GRIK1: variants seen among roughly 807,000 people sequenced by gnomAD.
GRIK1 encodes the protein glutamate ionotropic receptor kainate type subunit 1.
In GRIK1, 69 loss-of-function variants were observed where a neutral mutation model predicts 105.7. The ratio of observed to expected loss-of-function variants is 0.65; its 90% CI spans 0.54 to 0.80. GRIK1 has a LOEUF of 0.80. Among genes scored for constraint, GRIK1 ranks in the 30% least tolerant of loss-of-function variants. The pLI is 0.00. For synonymous variants in GRIK1, 438 were observed against 431.3 expected (o/e 1.02, Z -0.19); for missense variants, 1,109 against 1,167.3 (o/e 0.95, Z 0.73).
At chr21:29,900,462 GAAAAAA>G (rs796090417) in intron 1 of GRIK1, among the ~76,000 whole-genome samples, 9 of 76,970 alleles carry the variant, frequency 1.2e-4, no homozygotes, top group African/African-American at 3.4e-4. Flanking sequence ...TGGAAAGCAA[GAAAAAA>G]AAAAAAAAAA....
chr21:29,825,603 G>A (rs1424578308), intron 1 of GRIK1, among the ~76,000 whole-genome samples: 1 of 151,890 alleles, frequency 6.6e-6, no homozygotes, highest in Non-Finnish European at 1.5e-5. Flanking sequence ...TGATCATGAT[G>A]GGCTATTTTG....
chr21:29,537,964 A>C (rs1462204794), intron 16 of GRIK1, 80 bp from the exon 17 acceptor site: 2 of 690,530 alleles, frequency 2.9e-6, no homozygotes, highest in African/African-American at 3.6e-5. Flanking sequence ...AGCAGCAATG[A>C]TGCAGCTGTG....
chr21:29,878,150 TG>T (rs2069259417), intron 1 of GRIK1, among the ~76,000 whole-genome samples: 1 of 151,978 alleles, frequency 6.6e-6, no homozygotes, highest in Non-Finnish European at 1.5e-5. Flanking sequence ...ATTTAGAGAA[TG>T]GAATTGGTAG....
intron 14 of GRIK1, among the ~76,000 whole-genome samples, chr21:29,567,983 G>A (rs1284472375): frequency 6.6e-6 from 1 of 152,162 alleles, no homozygotes; most frequent in Non-Finnish European, 1.5e-5. Flanking sequence ...GAAAAGTTAT[G>A]ACATTTGCAG....
intron 1 of GRIK1, among the ~76,000 whole-genome samples, chr21:29,776,528 G>A (rs1007051329): frequency 6.6e-6 from 1 of 152,138 alleles, no homozygotes; most frequent in African/African-American, 2.4e-5. Context: ...CATCTCTGTA[G>A]CACCCCAATT....
intron 4 of GRIK1, among the ~76,000 whole-genome samples, chr21:29,659,325 GAA>G (rs934866083): frequency 6.6e-6 from 1 of 152,044 alleles, no homozygotes; most frequent in Non-Finnish European, 1.5e-5. Flanking sequence ...TTAGAGTAAT[GAA>G]AAAAAGTTTC....
intron 1 of GRIK1, among the ~76,000 whole-genome samples, chr21:29,739,037 G>T (rs939220957): frequency 1.3e-5 from 2 of 152,164 alleles, no homozygotes; most frequent in Non-Finnish European, 2.9e-5. Context: ...TGGTTTTGAG[G>T]CAATAGGGGT....
intron 1 of GRIK1, among the ~76,000 whole-genome samples, chr21:29,789,936 T>G (rs980607669): frequency 6.6e-6 from 1 of 152,248 alleles, no homozygotes; most frequent in Non-Finnish European, 1.5e-5. Context: ...TAAGCTGTAT[T>G]CAATGCTCAC....
chr21:29,883,412 A>C (rs184094072), intron 1 of GRIK1, among the ~76,000 whole-genome samples: 11 of 152,230 alleles, frequency 7.2e-5, no homozygotes, highest in Admixed American at 5.9e-4. Context: ...TACTTCATTA[A>C]GTCACTCAGC....
intron 13 of GRIK1, among the ~76,000 whole-genome samples, chr21:29,579,677 G>A (rs2090972888): frequency 1.3e-5 from 2 of 152,122 alleles, no homozygotes; most frequent in African/African-American, 4.8e-5. Context: ...AGTACCTCAA[G>A]TTTGTATCTG....
intron 1 of GRIK1, among the ~76,000 whole-genome samples, chr21:29,721,428 C>T (rs943336336): frequency 2.3e-4 from 35 of 152,018 alleles, no homozygotes; most frequent in African/African-American, 6.3e-4. Context: ...CAGCAGGTTA[C>T]ACCCACAGTG....
chr21:29,582,593 T>C (rs965912543), intron 12 of GRIK1, among the ~76,000 whole-genome samples: 15 of 152,274 alleles, frequency 9.9e-5, no homozygotes, highest in African/African-American at 3.6e-4. Flanking sequence ...TCTTTCTCTA[T>C]TTTTTTAAGC....
At chr21:29,608,594 C>A (rs548518210) in intron 7 of GRIK1, among the ~76,000 whole-genome samples, 8 of 152,170 alleles carry the variant, frequency 5.3e-5, no homozygotes, top group Non-Finnish European at 1.0e-4. Context: ...CTGCTCTTAA[C>A]AAGAAGATAA....
intron 1 of GRIK1, among the ~76,000 whole-genome samples, chr21:29,814,656 C>T (rs1248681791): frequency 6.6e-6 from 1 of 152,056 alleles, no homozygotes; most frequent in Non-Finnish European, 1.5e-5. Context: ...GTTATGGTGA[C>T]AGGATGGGAA....
chr21:29,895,297 G>A (rs2070095865), intron 1 of GRIK1, among the ~76,000 whole-genome samples: 1 of 152,150 alleles, frequency 6.6e-6, no homozygotes, highest in Non-Finnish European at 1.5e-5. Context: ...CTAGTTCAAC[G>A]AACCTGCGGA....
At chr21:29,770,149 G>T (rs2065778587) in intron 1 of GRIK1, among the ~76,000 whole-genome samples, 1 of 152,102 alleles carries the variant, frequency 6.6e-6, no homozygotes, top group African/African-American at 2.4e-5. Flanking sequence ...ACACTGCTTT[G>T]TGACTTTTCT....
Position 29,642,828 on chromosome 21 carries a change from C to A in GRIK1, c.1096G>T (p.Glu366Ter). ...GGCTGTGAGGGAGCATCACTTGCCT[C>A]TTTGATCAGGTTCATAAATCTGGGT... ...LGPRFMNLIK[E>*]ARWDGLTGHI... Residue 366 changes from glutamate to a stop codon, truncating the protein, a stop_gained and splice_region_variant, in exon 7 of 18, where the codon GAG becomes TAG. Transcript: ENST00000327783. LOFTEE classifies it high-confidence loss of function. 6.2e-7 allele frequency: 1 copy of A among 1,614,064 alleles called. No homozygotes were observed. Among genetic ancestry groups the A allele is most frequent in the Non-Finnish European group, 8.5e-7 (1 of 1,179,938 alleles).
In GRIK1 at chr21:29,673,288, A is replaced by G. The variant is rs546533809; in HGVS notation, c.545-124T>C. 11 of 561,968 alleles carry G rather than the reference A, an allele frequency of 2.0e-5. 1 individual carries two copies. The South Asian group carries it at 2.6e-4, about 13-fold the overall frequency. 34.8% of individuals were successfully genotyped at this position (561,968 alleles called of 1,614,324 possible). ...CAGTGGCCACCTTCCTAAAGGTTAC[A>G]CTCCTGACTTCCCATTTGTCACTCA... On this transcript the variant is annotated intron_variant, in intron 3 of 17. Transcript: ENST00000327783.
At chr21:29,886,704 C>T (rs1307346468) in intron 1 of GRIK1, among the ~76,000 whole-genome samples, 3 of 152,106 alleles carry the variant, frequency 2.0e-5, no homozygotes, top group Non-Finnish European at 2.9e-5. Context: ...AACTCTGTTG[C>T]CTGGCTTATT....
Sources: allele counts gnomAD v4.1 joint callset (sites outside exome capture counted in the v4.1 genomes callset), GRCh38; gene constraint gnomAD v4.1.1; transcripts MANE v1.5; gene names NCBI Gene and HGNC (gene_info 2026-07-23, HGNC 2026-07-21).